The following PLIN5 variants were observed in gnomAD, a reference collection of about 807,000 sequenced individuals.
PLIN5 encodes perilipin 5.
A neutral mutation model predicts 32.8 loss-of-function variants in PLIN5; 34 were observed. The ratio of observed to expected loss-of-function variants is 1.04; its 90% CI spans 0.79 to 1.38. The LOEUF (loss-of-function observed/expected upper bound fraction) is 1.38, where lower values mean the gene tolerates loss of function less well. Among genes scored for constraint, PLIN5 ranks in the 40% most tolerant of loss-of-function variants. The probability of loss-of-function intolerance (pLI) is 0.00; values close to 1 mark genes in which losing one functional copy is unlikely to be tolerated. For missense variants in PLIN5, 712 were observed against 660.5 expected (o/e 1.08, Z -0.85); for synonymous variants, 309 against 292.9 (o/e 1.05, Z -0.56).
intron 7 of PLIN5, among the ~76,000 whole-genome samples, chr19:4,524,303 G>A (rs889658852): frequency 6.6e-6 from 1 of 152,180 alleles, no homozygotes; most frequent in African/African-American, 2.4e-5. Context: ...TGTAATCCCA[G>A]CACTTTGGGA....
intron 1 of PLIN5, 49 bp from the exon 2 acceptor site, chr19:4,534,144 C>A (rs1318680318): frequency 6.6e-7 from 1 of 1,523,008 alleles, no homozygotes; most frequent in South Asian, 1.2e-5. Context: ...GCATCAGATC[C>A]TGTCAAATTG....
intron 5 of PLIN5, 88 bp downstream of exon 5, chr19:4,528,985 G>A: frequency 1.5e-6 from 2 of 1,370,124 alleles, no homozygotes; most frequent in Non-Finnish European, 2.0e-6. Context: ...GTGTGACCTT[G>A]GGTGAGTCTC....
rs151153270 is a variant in PLIN5, at chr19:4,529,030, C to T, written c.520+43G>A. 8.7e-5 allele frequency: 137 copies of T among 1,582,492 alleles called. No homozygotes were observed. In the African/African-American group the frequency reaches 1.5e-3, roughly 17 times the overall value. On this transcript the variant is annotated intron_variant, in intron 5 of 7. Transcript: ENST00000381848. ...TGATCTGTACCACAGGGGATGGGGA[C>T]GGGGCAGGACTCAGGGGTTAGGGTT... is the stretch of plus-strand genomic sequence containing the variant.
At position 4,525,133 on chromosome 19, in the gene PLIN5, C is replaced by CCTGGACCCCACCCCGACCCCCA; in HGVS notation, c.721-58_721-57insTGGGGGTCGGGGTGGGGTCCAG. 1 of 300,412 alleles carries CCTGGACCCCACCCCGACCCCCA rather than the reference C, an allele frequency of 3.3e-6. No individual in the cohort carries two copies. The highest frequency in any genetic ancestry group is 6.4e-6 in the Non-Finnish European group (1 of 155,762). 18.6% of individuals were successfully genotyped at this position (300,412 alleles called of 1,614,324 possible). A position where few individuals can be genotyped will look rare whatever the true frequency, so the allele number is the denominator to read the frequency against. On this transcript the variant is annotated intron_variant, in intron 6 of 7. Transcript: ENST00000381848. This position sits in a 1 kb window ranked among gnomAD's most constrained non-coding sequence, Gnocchi z 5.6. Reference sequence around the variant, plus strand: ...TGGGGGAGCTGGGGGAGCTGGGGGTCGGGGTGGGGTCCAGGACCACTGATC... The same window carrying CCTGGACCCCACCCCGACCCCCA: ...TGGGGGAGCTGGGGGAGCTGGGGGTCCTGGACCCCACCCCGACCCCCAGGGGTGGGGTCCAGGACCACTGATC...
chr19:4,534,543 G>A (rs1248885368), intron 1 of PLIN5, among the ~76,000 whole-genome samples: 1 of 152,100 alleles, frequency 6.6e-6, no homozygotes, highest in African/African-American at 2.4e-5. Flanking sequence ...GCTAATTTTT[G>A]TATTTTTAGT....
chr19:4,528,886 C>T, intron 5 of PLIN5, 187 bp downstream of exon 5: 1 of 584,446 alleles, frequency 1.7e-6, no homozygotes, highest in Admixed American at 3.4e-5. Context: ...TGTTCTGACT[C>T]CTGGCGGGAT....
intron 4 of PLIN5, chr19:4,529,495 CAT>C (rs2145327265): frequency 1.9e-6 from 1 of 540,414 alleles, no homozygotes; most frequent in Non-Finnish European, 3.3e-6. Flanking sequence ...CATATACACA[CAT>C]ATACATATAT....
chr19:4,524,485 G>A (rs1976774736), intron 7 of PLIN5, among the ~76,000 whole-genome samples: 1 of 152,192 alleles, frequency 6.6e-6, no homozygotes. Context: ...CCGGGAGGCG[G>A]AGGTTGCAGT....
At position 4,529,273 on chromosome 19, in the gene PLIN5, C is replaced by A. The variant is rs112854070; in HGVS notation, c.340-20G>T. On this transcript the variant is annotated intron_variant, in intron 4 of 7. Coordinates refer to ENST00000381848, the MANE Select transcript of PLIN5 (RefSeq NM_001013706.3). ...CACCACCTGGAAGGAAGGGCCCCCC[C>A]ACTCCAGGCACCGTGGGACTCCAGC... 3.3e-3 allele frequency: 5,179 copies of A among 1,575,548 alleles called. 119 individuals carry two copies. In the African/African-American group the frequency reaches 0.055, roughly 17 times the overall value.
Position 4,523,711 on chromosome 19 carries a change from AG to A in PLIN5, c.1208del (p.Pro403LeufsTer55). ...ADLVDEVIGG[P>X]DPRWAHLDWP... is the part of the protein sequence containing the mutation. ...AGTCCAGGTGCGCCCAGCGGGGGTC[AG>A]GGCCCCCGATGACCTCGTCCACCAG... On this transcript the variant is annotated frameshift_variant, in exon 8 of 8. Transcript: ENST00000381848. LOFTEE classifies it low-confidence loss of function (END_TRUNC). The surrounding 1 kb of genome is among the most constrained non-coding windows in gnomAD (Gnocchi z 5.0). 6.2e-7 allele frequency: 1 copy of A among 1,603,760 alleles called. No individual in the cohort carries two copies.
intron 5 of PLIN5, among the ~76,000 whole-genome samples, chr19:4,528,115 G>T (rs188963397): frequency 0.012 from 1,790 of 151,266 alleles, 79 homozygotes; most frequent in Admixed American, 0.076. Flanking sequence ...TTCACCGTGT[G>T]AGCCAGGATG....
At position 4,526,137 on chromosome 19, in the gene PLIN5, C is replaced by T. The variant is rs141293902; in HGVS notation, c.521-305G>A. Among the ~76,000 whole-genome samples, 27 of 152,300 alleles carry T rather than the reference C, an allele frequency of 1.8e-4. No homozygotes were observed. In the East Asian group the frequency reaches 5.2e-3, roughly 29 times the overall value. ...GGCCCTGTTTTACACAGGAGGAAAACTGAGGCAAAGGAGAGGTGAGATCCT... is the reference window on the plus strand; with the variant it reads ...GGCCCTGTTTTACACAGGAGGAAAATTGAGGCAAAGGAGAGGTGAGATCCT... On this transcript the variant is annotated intron_variant, in intron 5 of 7. Coordinates refer to ENST00000381848, the MANE Select transcript of PLIN5 (RefSeq NM_001013706.3).
chr19:4,530,732 GT>G lies in PLIN5; in HGVS notation c.257-867del, dbSNP rs1225233227. Among the ~76,000 whole-genome samples, 3 of 152,168 alleles carry G rather than the reference GT, an allele frequency of 2.0e-5. No individual in the cohort carries two copies. The East Asian group carries it at 5.8e-4, about 29-fold the overall frequency. On this transcript the variant is annotated intron_variant, in intron 3 of 7. Transcript: ENST00000381848. ...CTGTCACCCAGGCTGGAGTGCAGTG[GT>G]GCGATCTCGGCTTGCTGCATCCCCT...
intron 5 of PLIN5, among the ~76,000 whole-genome samples, chr19:4,528,002 C>CG (rs1211662153): frequency 4.0e-5 from 6 of 151,610 alleles, no homozygotes; most frequent in African/African-American, 1.2e-4. Flanking sequence ...CTCCACCCCC[C>CG]GGGTTCACGC....
intron 5 of PLIN5, among the ~76,000 whole-genome samples, chr19:4,528,142 C>T (rs567534156): frequency 6.6e-5 from 10 of 152,006 alleles, no homozygotes; most frequent in Non-Finnish European, 8.8e-5. Context: ...ATCTCCTGAC[C>T]TCGTGATCGG....
rs1275382786 is a variant in PLIN5, at chr19:4,525,204, C to A, written c.721-128G>T. 3.3e-6 allele frequency: 2 copies of A among 613,034 alleles called. No homozygotes were observed. The highest frequency in any genetic ancestry group is 3.8e-5 in the African/African-American group (2 of 52,456). The allele number at this position is 613,034 out of a possible 1,614,324, so 38.0% of individuals were successfully genotyped here. A position where few individuals can be genotyped will look rare whatever the true frequency, so the allele number is the denominator to read the frequency against. On this transcript the variant is annotated intron_variant, in intron 6 of 7. Coordinates refer to ENST00000381848, the MANE Select transcript of PLIN5 (RefSeq NM_001013706.3). The surrounding 1 kb of genome is among the most constrained non-coding windows in gnomAD (Gnocchi z 5.6). ...GAGACCGAGGCAGGTTGTGCAGGGCCGTGGGGAAGACTTGGGCTTGGACCC... is the reference window on the plus strand; with the variant it reads ...GAGACCGAGGCAGGTTGTGCAGGGCAGTGGGGAAGACTTGGGCTTGGACCC...
At chr19:4,524,209 C>T in intron 7 of PLIN5, 124 bp from the exon 8 acceptor site, 1 of 942,894 alleles carries the variant, frequency 1.1e-6, no homozygotes, top group Non-Finnish European at 1.4e-6. Flanking sequence ...ATAGTCCTGT[C>T]CCCTGTAGAC....
At position 4,532,199 on chromosome 19, in the gene PLIN5, AATTAT is replaced by A. The variant is rs368152385; in HGVS notation, c.61-382_61-378del. 6.6e-3 allele frequency among the ~76,000 whole-genome samples: 998 copies of A among 151,568 alleles called. 7 individuals carry two copies. The highest frequency in any genetic ancestry group is 0.027 in the Middle Eastern group (8 of 294). ...ACAGGTGCCCGCCACCACACCTGGC[AATTAT>A]ATTATAAGAGGGAGTCTCGCTCTAT... On this transcript the variant is annotated intron_variant, in intron 2 of 7. Transcript: ENST00000381848.
At position 4,523,273 on chromosome 19, in the gene PLIN5, G is replaced by A. The variant is rs1976753362; in HGVS notation, c.*255C>T. 2.3e-6 allele frequency: 1 copy of A among 438,810 alleles called. No homozygotes were observed. Among genetic ancestry groups the A allele is most frequent in the Non-Finnish European group, 4.0e-6 (1 of 249,492 alleles). 27.2% of individuals were successfully genotyped at this position (438,810 alleles called of 1,614,324 possible). A position where few individuals can be genotyped will look rare whatever the true frequency, so the allele number is the denominator to read the frequency against. On this transcript the variant is annotated 3_prime_UTR_variant, in exon 8 of 8. Transcript: ENST00000381848. The surrounding 1 kb of genome is among the most constrained non-coding windows in gnomAD (Gnocchi z 5.0). ...TCATGGAGCCAGGGAGCAGGACATA[G>A]GTGAAGAACCCAGCTTGTGGCTCAA...
Sources: gnomAD v4.1 joint callset for allele counts (sites outside exome capture counted in the v4.1 genomes callset) on GRCh38, gnomAD v4.1.1 for gene constraint, Gnocchi (gnomAD v3.1) non-coding constraint, MANE v1.5 for transcripts, NCBI Gene and HGNC (gene_info 2026-07-23, HGNC 2026-07-21) for gene names.